Variants in SLC25A37 observed in about 807,000 individuals in gnomAD.
The protein encoded by SLC25A37 is solute carrier family 25 member 37, also known as mitoferrin-1.
Under a neutral mutation model 31.0 loss-of-function variants are expected in SLC25A37, and 17 were observed. The ratio of observed to expected loss-of-function variants is 0.55; its 90% CI spans 0.38 to 0.82. The LOEUF is 0.82. Ranked by LOEUF, SLC25A37 falls within the 40% of genes least tolerant of loss-of-function variation. The pLI is 0.00. For missense variants in SLC25A37, 404 were observed against 465.8 expected, an observed-to-expected ratio of 0.87 and a Z score of 1.22; for synonymous variants, 222 against 193.0, an observed-to-expected ratio of 1.15 and a Z score of -1.24.
chr8:23,570,054 C>T (rs1802778734), intron 3 of SLC25A37, among the ~76,000 whole-genome samples: 1 of 134,522 alleles, frequency 7.4e-6, no homozygotes, highest in South Asian at 2.4e-4. Context: ...CTTGGTCTGA[C>T]CTTCAGGGTT....
chr8:23,545,627 G>A (rs1802014583), intron 1 of SLC25A37, among the ~76,000 whole-genome samples: 5 of 152,190 alleles, frequency 3.3e-5, no homozygotes, highest in South Asian at 4.1e-4. Context: ...GCACGTGTGT[G>A]GGCCTTTTTC....
intron 1 of SLC25A37, among the ~76,000 whole-genome samples, chr8:23,552,249 A>G (rs1802246827): frequency 6.6e-6 from 1 of 152,194 alleles, no homozygotes; most frequent in African/African-American, 2.4e-5. Flanking sequence ...CGGTGAAGAT[A>G]AACATTTATT....
intron 1 of SLC25A37, among the ~76,000 whole-genome samples, chr8:23,544,833 C>T (rs904209883): frequency 1.3e-5 from 2 of 152,156 alleles, no homozygotes; most frequent in Non-Finnish European, 2.9e-5. Flanking sequence ...CAGGTGGCAG[C>T]TCTTCTCCTC....
rs1468598158 is a variant in SLC25A37, at chr8:23,575,430, T to A, written c.*3575T>A. 6.6e-6 allele frequency: 1 copy of A among 152,178 alleles called. No individual in the cohort carries two copies. Among genetic ancestry groups the A allele is most frequent in the Non-Finnish European group, 1.5e-5 (1 of 68,020 alleles). The allele number at this position is 152,178 out of a possible 1,614,324, so 9.4% of individuals were successfully genotyped here. On this transcript the variant is annotated 3_prime_UTR_variant, in exon 4 of 4. Coordinates refer to ENST00000519973, the MANE Select transcript of SLC25A37 (RefSeq NM_016612.4). ...ATATGCTGCTACAGTTGCAAAACACTGGAGCTAGAGAAAATAAAGTACTGA... is the reference window on the plus strand; with the variant it reads ...ATATGCTGCTACAGTTGCAAAACACAGGAGCTAGAGAAAATAAAGTACTGA...
At chr8:23,546,594 TATA>T (rs1414386066) in intron 1 of SLC25A37, among the ~76,000 whole-genome samples, 12 of 61,634 alleles carry the variant, frequency 1.9e-4, no homozygotes, top group East Asian at 1.0e-3. Flanking sequence ...TGTATATATA[TATA>T]GTGTATGTGT....
chr8:23,565,977 T>G (rs1025538772), intron 1 of SLC25A37, 131 bp from the exon 2 acceptor site: 426 of 1,308,930 alleles, frequency 3.3e-4, no homozygotes, highest in Non-Finnish European at 4.0e-4. Flanking sequence ...TCAAATATGT[T>G]TCCTTCCCAG....
In SLC25A37 at chr8:23,573,982, T is replaced by A. The variant is rs1457034188; in HGVS notation, c.*2127T>A. On this transcript the variant is annotated 3_prime_UTR_variant, in exon 4 of 4. Coordinates refer to ENST00000519973, the MANE Select transcript of SLC25A37 (RefSeq NM_016612.4). ...ATTCTGCAAATGGAGGGGAAAAAAA[T>A]CAAATTCTAAATTTCAAAGTAGAAT... The A allele has an allele frequency of 1.1e-5, 4 of 349,890 alleles. No individual in the cohort carries two copies. Among genetic ancestry groups the A allele is most frequent in the South Asian group, 4.1e-5 (2 of 48,810 alleles). 21.7% of individuals were successfully genotyped at this position (349,890 alleles called of 1,614,324 possible). A position where few individuals can be genotyped will look rare whatever the true frequency, so the allele number is the denominator to read the frequency against.
intron 1 of SLC25A37, among the ~76,000 whole-genome samples, chr8:23,542,923 A>G (rs1801935482): frequency 6.6e-6 from 1 of 152,138 alleles, no homozygotes; most frequent in Non-Finnish European, 1.5e-5. Context: ...TTATAGAATA[A>G]GGATATAGAG....
chr8:23,554,090 C>T (rs1315687997), intron 1 of SLC25A37, among the ~76,000 whole-genome samples: 5 of 152,150 alleles, frequency 3.3e-5, no homozygotes, highest in Non-Finnish European at 5.9e-5. Context: ...TGACTCTGGC[C>T]GACCGCCTGG....
intron 1 of SLC25A37, among the ~76,000 whole-genome samples, chr8:23,552,934 C>T (rs1012058346): frequency 5.3e-5 from 8 of 152,256 alleles, no homozygotes; most frequent in Middle Eastern, 3.4e-3. Flanking sequence ...GCAGAGCTGC[C>T]GGGCTGCAGC....
In SLC25A37 at chr8:23,529,284, G is replaced by A. The variant is rs2117373618; in HGVS notation, c.210+72G>A. ...GCGCGCGCGCATTTGCATCCCGCGC[G>A]CCGGCAGCCTCGGGGCAGCGTCCCG... is the stretch of plus-strand genomic sequence containing the variant. On this transcript the variant is annotated intron_variant, in intron 1 of 3. Transcript: ENST00000519973. This position sits in a 1 kb window ranked among gnomAD's most constrained non-coding sequence, Gnocchi z 4.1. The A allele has an allele frequency of 3.5e-6, 5 of 1,442,110 alleles. No individual in the cohort carries two copies. In the South Asian group the frequency reaches 3.9e-5, roughly 11 times the overall value. 89.3% of individuals were successfully genotyped at this position (1,442,110 alleles called of 1,614,324 possible). A position where few individuals can be genotyped will look rare whatever the true frequency, so the allele number is the denominator to read the frequency against.
chr8:23,530,433 C>G (rs1029322858), intron 1 of SLC25A37, among the ~76,000 whole-genome samples: 1 of 152,200 alleles, frequency 6.6e-6, no homozygotes, highest in Non-Finnish European at 1.5e-5. Flanking sequence ...AGGGTTTTCC[C>G]GGCTCCGGGG....
chr8:23,535,709 C>T (rs1379242300), intron 1 of SLC25A37, among the ~76,000 whole-genome samples: 2 of 152,158 alleles, frequency 1.3e-5, no homozygotes, highest in Non-Finnish European at 2.9e-5. Flanking sequence ...CCCACAGTTC[C>T]ACGTGGCTGG....
At chr8:23,568,168 C>T (rs17089392) in intron 2 of SLC25A37, 154 bp from the exon 3 acceptor site, 7,790 of 773,384 alleles carry the variant, frequency 0.01, 222 homozygotes, top group East Asian at 0.075. Context: ...ACCATCACTT[C>T]AGGGTTTTAA....
At chr8:23,548,982 G>A (rs1802149105) in intron 1 of SLC25A37, among the ~76,000 whole-genome samples, 1 of 152,100 alleles carries the variant, frequency 6.6e-6, no homozygotes, top group South Asian at 2.1e-4. Flanking sequence ...AGTGGTCACT[G>A]CCAGGACCCC....
At chr8:23,568,064 A>G in intron 2 of SLC25A37, 1 of 516,168 alleles carries the variant, frequency 1.9e-6, no homozygotes, top group Non-Finnish European at 3.5e-6. Flanking sequence ...GCTTTTTCCC[A>G]GGGTTGACTA....
chr8:23,566,587 GT>G, intron 2 of SLC25A37: 1 of 1,244,578 alleles, frequency 8.0e-7, no homozygotes, highest in Non-Finnish European at 1.0e-6. Context: ...AGGTGTTTTG[GT>G]TTTATTGTTA....
chr8:23,534,551 C>T (rs1801725857), intron 1 of SLC25A37, among the ~76,000 whole-genome samples: 2 of 152,128 alleles, frequency 1.3e-5, no homozygotes, highest in African/African-American at 4.8e-5. Context: ...TTACATCTTC[C>T]CCTCTTTACC....
intron 1 of SLC25A37, among the ~76,000 whole-genome samples, chr8:23,531,283 G>GA (rs1424563848): frequency 2.0e-5 from 3 of 152,234 alleles, no homozygotes; most frequent in African/African-American, 7.2e-5. Flanking sequence ...GCTTGGGGGA[G>GA]ACCACACCTG....
Sources: gnomAD v4.1 joint callset for allele counts (sites outside exome capture counted in the v4.1 genomes callset) on GRCh38, gnomAD v4.1.1 for gene constraint, Gnocchi (gnomAD v3.1) non-coding constraint, MANE v1.5 for transcripts, NCBI Gene and HGNC (gene_info 2026-07-23, HGNC 2026-07-21) for gene names.